Variants in MLLT10 observed in about 807,000 individuals in gnomAD.
MLLT10 encodes MLLT10 histone lysine methyltransferase DOT1L cofactor, also known as protein AF-10.
MLLT10 carries 30 observed loss-of-function variants against 129.1 expected under a neutral mutation model. That is an observed-to-expected ratio of 0.23 (90% CI 0.17 to 0.32). The LOEUF (loss-of-function observed/expected upper bound fraction) is 0.32, where lower values mean the gene tolerates loss of function less well. Among genes scored for constraint, MLLT10 ranks in the 10% least tolerant of loss-of-function variants. The probability of loss-of-function intolerance (pLI) is 1.00; values close to 1 mark genes in which losing one functional copy is unlikely to be tolerated. For synonymous variants in MLLT10, 490 were observed against 446.4 expected, an observed-to-expected ratio of 1.10 and a Z score of -1.23; for missense variants, 1,119 against 1,268.3, an observed-to-expected ratio of 0.88 and a Z score of 1.79.
chr10:21,557,753 A>C (rs972609453), intron 3 of MLLT10: 10 of 151,808 alleles, frequency 6.6e-5, no homozygotes, highest in African/African-American at 2.2e-4. Context: ...TGTGCCCATC[A>C]TCTCTGTGGC....
chr10:21,730,812 C>G, intron 16 of MLLT10, 88 bp from the exon 17 acceptor site: 1 of 1,426,896 alleles, frequency 7.0e-7, no homozygotes, highest in Non-Finnish European at 9.8e-7. Context: ...AAAACTCATA[C>G]AGGAGAAAAG....
intron 16 of MLLT10, among the ~76,000 whole-genome samples, chr10:21,730,619 A>G (rs532593849): frequency 6.6e-6 from 1 of 152,194 alleles, no homozygotes; most frequent in African/African-American, 2.4e-5. Flanking sequence ...TTTACAGCCT[A>G]TTTCAGAGAT....
chr10:21,722,564 C>G (rs1324759224), intron 14 of MLLT10, among the ~76,000 whole-genome samples: 1 of 152,100 alleles, frequency 6.6e-6, no homozygotes, highest in African/African-American at 2.4e-5. Flanking sequence ...GACTTTCTTC[C>G]TTTCCCCTGA....
chr10:21,676,024 A>G (rs1374742290), intron 11 of MLLT10, among the ~76,000 whole-genome samples: 1 of 152,182 alleles, frequency 6.6e-6, no homozygotes, highest in Admixed American at 6.5e-5. Context: ...TTACCTTACC[A>G]TTAGGTAAAC....
chr10:21,668,961 C>T (rs1245924681), intron 9 of MLLT10: 5 of 1,338,622 alleles, frequency 3.7e-6, no homozygotes, highest in Non-Finnish European at 4.9e-6. Flanking sequence ...ACCTCAGGAT[C>T]AACTCAAGTA....
At chr10:21,711,462 C>T (rs972790632) in intron 13 of MLLT10, among the ~76,000 whole-genome samples, 3 of 151,376 alleles carry the variant, frequency 2.0e-5, no homozygotes, top group African/African-American at 4.9e-5. Context: ...GTGGCTCATG[C>T]GTGTGATGCC....
chr10:21,610,809 C>A (rs1219423294), intron 5 of MLLT10, among the ~76,000 whole-genome samples: 1 of 151,454 alleles, frequency 6.6e-6, no homozygotes, highest in Non-Finnish European at 1.5e-5. Flanking sequence ...TTTTTTTGAT[C>A]ATTTGTAGGC....
intron 3 of MLLT10, among the ~76,000 whole-genome samples, chr10:21,582,179 A>C (rs1256979897): frequency 6.6e-6 from 1 of 151,674 alleles, no homozygotes; most frequent in Non-Finnish European, 1.5e-5. Context: ...GCTGGAGTGC[A>C]GTGGAACGAT....
At chr10:21,602,502 A>G (rs2043637795) in intron 5 of MLLT10, among the ~76,000 whole-genome samples, 3 of 152,210 alleles carry the variant, frequency 2.0e-5, no homozygotes, top group Admixed American at 2.0e-4. Context: ...TGATGAAGAA[A>G]CAAAGGAATG....
chr10:21,735,644 G>A (rs550547193), intron 21 of MLLT10, among the ~76,000 whole-genome samples: 2 of 152,186 alleles, frequency 1.3e-5, no homozygotes, highest in Non-Finnish European at 2.9e-5. Context: ...CTCTGCAAGG[G>A]GGGTGACTTT....
chr10:21,712,831 C>T (rs1015501731), intron 13 of MLLT10, among the ~76,000 whole-genome samples: 7 of 152,374 alleles, frequency 4.6e-5, no homozygotes, highest in African/African-American at 9.6e-5. Flanking sequence ...TGGTTGAGAA[C>T]GGCTGGTTTA....
intron 3 of MLLT10, among the ~76,000 whole-genome samples, chr10:21,577,216 A>G (rs1013849476): frequency 6.6e-6 from 1 of 152,210 alleles, no homozygotes; most frequent in African/African-American, 2.4e-5. Flanking sequence ...TTTGTTGTCA[A>G]ATAATATTCT....
intron 4 of MLLT10, among the ~76,000 whole-genome samples, chr10:21,590,399 G>A (rs190323697): frequency 6.3e-4 from 95 of 151,986 alleles, no homozygotes; most frequent in Non-Finnish European, 1.3e-3. Flanking sequence ...GAATGCAGTG[G>A]CGTGATGTCG....
At chr10:21,552,116 G>A (rs116550106) in intron 3 of MLLT10, among the ~76,000 whole-genome samples, 2,246 of 152,106 alleles carry the variant, frequency 0.015, 48 homozygotes, top group African/African-American at 0.051. Context: ...TTGTACGGAT[G>A]GGGTCTCACT....
At chr10:21,539,052 A>C in intron 3 of MLLT10, 140 bp downstream of exon 3, 1 of 544,762 alleles carries the variant, frequency 1.8e-6, no homozygotes, top group Non-Finnish European at 3.2e-6. Context: ...CCAAATATTG[A>C]CTTGGAGTAT....
intron 4 of MLLT10, among the ~76,000 whole-genome samples, chr10:21,593,686 G>A (rs1488456325): frequency 6.6e-6 from 1 of 151,854 alleles, no homozygotes; most frequent in Non-Finnish European, 1.5e-5. Context: ...CACCACTTTG[G>A]GAGGCTGAGA....
chr10:21,649,622 G>T (rs1342643277), intron 8 of MLLT10, among the ~76,000 whole-genome samples: 1 of 152,218 alleles, frequency 6.6e-6, no homozygotes, highest in Non-Finnish European at 1.5e-5. Context: ...CTGGCGCCAG[G>T]CGCTGCTGGC....
In MLLT10 at chr10:21,731,107, A is replaced by G. The variant is rs2057932449; in HGVS notation, c.2218+53A>G. 10 of 1,515,120 alleles carry G rather than the reference A, an allele frequency of 6.6e-6. No individual in the cohort carries two copies. The South Asian group carries it at 1.3e-4, about 19-fold the overall frequency. 93.9% of individuals were successfully genotyped at this position (1,515,120 alleles called of 1,614,324 possible). ...TCAAGACAGATGGGCAGATGGACAA[A>G]CAGGCAGATGGATGCAGAAGTCACT... is the stretch of plus-strand genomic sequence containing the variant. On this transcript the variant is annotated intron_variant, in intron 17 of 22. Coordinates refer to ENST00000307729, the MANE Select transcript of MLLT10 (RefSeq NM_001195626.3).
At position 21,673,723 on chromosome 10, in the gene MLLT10, G is replaced by A; in HGVS notation, c.1425G>A (p.Lys475=). Residue 475 remains lysine, a synonymous_variant, in exon 11 of 23, where the codon AAG becomes AAA. Coordinates refer to ENST00000307729, the MANE Select transcript of MLLT10 (RefSeq NM_001195626.3). The stretch of plus-strand genomic sequence containing the variant: ...AAAGGAAAGGAAATAAACAAAGTAA[G>A]CATGGGCCTGGCAGACCCAAAGGAA... ...EKKRKGNKQS[K]HGPGRPKGNK... The A allele has an allele frequency of 1.9e-6, 3 of 1,614,114 alleles. No homozygotes were observed. Among genetic ancestry groups the A allele is most frequent in the Non-Finnish European group, 2.5e-6 (3 of 1,180,018 alleles).
Sources: allele counts gnomAD v4.1 joint callset (sites outside exome capture counted in the v4.1 genomes callset), GRCh38; gene constraint gnomAD v4.1.1; transcripts MANE v1.5; gene names NCBI Gene and HGNC (gene_info 2026-07-23, HGNC 2026-07-21).